MGST2: variants seen among roughly 807,000 people sequenced by gnomAD.
MGST2 encodes the protein microsomal glutathione S-transferase 2.
Under a neutral mutation model 16.6 loss-of-function variants are expected in MGST2, and 9 were observed. That is an observed-to-expected ratio of 0.54 (90% CI 0.33 to 0.95). The LOEUF (loss-of-function observed/expected upper bound fraction) is 0.95, where lower values mean the gene tolerates loss of function less well. Ranked by LOEUF, MGST2 falls within the 40% of genes least tolerant of loss-of-function variation. The pLI, the probability that MGST2 is intolerant of heterozygous loss-of-function variation, is 0.03. For missense variants in MGST2, 159 were observed against 175.1 expected, an observed-to-expected ratio of 0.91 and a Z score of 0.52; for synonymous variants, 79 against 68.0, an observed-to-expected ratio of 1.16 and a Z score of -0.79.
chr4:139,734,287 G>A (rs1222632815), intron 5 of MGST2, among the ~76,000 whole-genome samples: 2 of 152,194 alleles, frequency 1.3e-5, no homozygotes, highest in African/African-American at 4.8e-5. Context: ...ACACTGTGTT[G>A]TGCAATTAGA....
chr4:139,669,324 G>A (rs999210629), intron 1 of MGST2, among the ~76,000 whole-genome samples: 2 of 152,164 alleles, frequency 1.3e-5, no homozygotes, highest in Non-Finnish European at 2.9e-5. Context: ...ACCAGAATTT[G>A]CTCCTTTTGC....
At chr4:139,695,617 C>A (rs1274367017) in intron 3 of MGST2, among the ~76,000 whole-genome samples, 1 of 151,492 alleles carries the variant, frequency 6.6e-6, no homozygotes, top group African/African-American at 2.4e-5. Context: ...GACTCCATCT[C>A]AAAAAAACAA....
intron 5 of MGST2, among the ~76,000 whole-genome samples, chr4:139,713,032 C>T (rs1007594526): frequency 2.0e-5 from 3 of 152,196 alleles, no homozygotes; most frequent in Non-Finnish European, 2.9e-5. Context: ...TACTCAATTG[C>T]TACAAGCTAT....
At chr4:139,675,876 A>C (rs1309245775) in intron 1 of MGST2, among the ~76,000 whole-genome samples, 1 of 152,148 alleles carries the variant, frequency 6.6e-6, no homozygotes, top group Non-Finnish European at 1.5e-5. Flanking sequence ...GAGTTTTGTC[A>C]TGCATGCATT....
the MGST2 span, among the ~76,000 whole-genome samples, chr4:139,746,788 C>G: frequency 6.6e-6 from 1 of 152,186 alleles, no homozygotes; most frequent in Non-Finnish European, 1.5e-5. Flanking sequence ...AGTAATGTGT[C>G]AAACTATGAT....
intron 2 of MGST2, among the ~76,000 whole-genome samples, chr4:139,686,143 G>C (rs808511): frequency 0.046 from 6,979 of 152,242 alleles, 232 homozygotes; most frequent in African/African-American, 0.095. Flanking sequence ...CAGAAAAGTG[G>C]GACAATGTGA....
At chr4:139,689,138 C>T (rs1726426456) in intron 2 of MGST2, among the ~76,000 whole-genome samples, 1 of 150,774 alleles carries the variant, frequency 6.6e-6, no homozygotes, top group Non-Finnish European at 1.5e-5. Flanking sequence ...AGGGATCTCC[C>T]AAAATGACAG....
the MGST2 span, among the ~76,000 whole-genome samples, chr4:139,748,739 G>T: frequency 6.7e-5 from 9 of 134,246 alleles, no homozygotes. Flanking sequence ...AATGCAACTA[G>T]CTTTGGAAAG....
intron 5 of MGST2, among the ~76,000 whole-genome samples, chr4:139,729,404 G>A (rs1728611520): frequency 6.6e-6 from 1 of 152,120 alleles, no homozygotes; most frequent in African/African-American, 2.4e-5. Context: ...AGGATCGCTT[G>A]AGGCCAGAAG....
intron 2 of MGST2, among the ~76,000 whole-genome samples, chr4:139,691,529 G>C (rs1264708497): frequency 6.6e-6 from 1 of 152,120 alleles, no homozygotes; most frequent in African/African-American, 2.4e-5. Flanking sequence ...TCACATGGTG[G>C]AGGGGCTGGA....
At chr4:139,753,569 A>G in the MGST2 span, among the ~76,000 whole-genome samples, 1 of 152,228 alleles carries the variant, frequency 6.6e-6, no homozygotes, top group African/African-American at 2.4e-5. Flanking sequence ...TACCATGAAA[A>G]TAAAATATAA....
intron 3 of MGST2, chr4:139,698,474 G>A (rs1269504195): frequency 6.7e-6 from 8 of 1,189,114 alleles, no homozygotes; most frequent in Middle Eastern, 4.5e-4. Context: ...GCGCACTCTT[G>A]CGAGCGGCTT....
At chr4:139,741,477 C>T (rs1241083367), downstream of MGST2, among the ~76,000 whole-genome samples, 4 of 152,256 alleles carry the variant, frequency 2.6e-5, no homozygotes, top group Admixed American at 6.5e-5. Context: ...CTGAGCTGAG[C>T]GTGGTGGCTC....
intron 2 of MGST2, among the ~76,000 whole-genome samples, chr4:139,686,826 A>G (rs1195595927): frequency 6.6e-6 from 1 of 152,232 alleles, no homozygotes; most frequent in Non-Finnish European, 1.5e-5. Context: ...TATTTATAAA[A>G]ATCATCACGG....
At position 139,736,158 on chromosome 4, in the gene MGST2, T is replaced by C. The variant is rs537090265; in HGVS notation, c.*49-4054T>C. Among the ~76,000 whole-genome samples, 4 of 151,988 alleles carry C rather than the reference T, an allele frequency of 2.6e-5. No homozygotes were observed. In the South Asian group the frequency reaches 8.3e-4, roughly 32 times the overall value. On this transcript the variant is annotated intron_variant, in intron 5 of 5. Transcript: ENST00000616265. ...CTCACTCACTCTGAATTGGGTCAAG[T>C]AAAAAAAAATTTTTTTTAAAGGAAG...
intron 5 of MGST2, among the ~76,000 whole-genome samples, chr4:139,709,807 G>GCCTGGCAGCTGT: frequency 6.6e-6 from 1 of 152,314 alleles, no homozygotes; most frequent in South Asian, 2.1e-4. Flanking sequence ...ATCCATGCTG[G>GCCTGGCAGCTGT]CCTGGCAGCT....
chr4:139,711,594 G>C (rs1174977822), intron 5 of MGST2, among the ~76,000 whole-genome samples: 1 of 152,106 alleles, frequency 6.6e-6, no homozygotes, highest in East Asian at 1.9e-4. Context: ...GGTCACTCTC[G>C]TCGCCATTTT....
In MGST2 at chr4:139,677,749, C is replaced by T. The variant is rs563698167; in HGVS notation, c.59-794C>T. 9.9e-5 allele frequency among the ~76,000 whole-genome samples: 15 copies of T among 152,210 alleles called. No homozygotes were observed. The East Asian group carries it at 2.3e-3, about 24-fold the overall frequency. On this transcript the variant is annotated intron_variant, in intron 1 of 4. Coordinates refer to ENST00000265498, the MANE Select transcript of MGST2 (RefSeq NM_002413.5). Reference sequence around the variant, plus strand: ...AACTCCCGACCTTGGGTAATCCACCCGTCTCAGCCTCCCAAAGTGCTGGGA... The same window carrying T: ...AACTCCCGACCTTGGGTAATCCACCTGTCTCAGCCTCCCAAAGTGCTGGGA...
At chr4:139,696,696 G>A (rs1003844444) in intron 3 of MGST2, among the ~76,000 whole-genome samples, 7 of 152,132 alleles carry the variant, frequency 4.6e-5, no homozygotes, top group African/African-American at 9.7e-5. Context: ...CATGCACAAC[G>A]CCTGTACACA....
Sources: gnomAD v4.1 joint callset for allele counts (sites outside exome capture counted in the v4.1 genomes callset) on GRCh38, gnomAD v4.1.1 for gene constraint, MANE v1.5 for transcripts, NCBI Gene and HGNC (gene_info 2026-07-23, HGNC 2026-07-21) for gene names.